The following GRIN2B variants were observed in gnomAD, a reference collection of about 807,000 sequenced individuals.
GRIN2B encodes the protein glutamate ionotropic receptor NMDA type subunit 2B, also known as glutamate receptor ionotropic, NMDA 2B.
Under a neutral mutation model 114.5 loss-of-function variants are expected in GRIN2B, and 5 were observed. The observed-to-expected ratio is 0.04, with a 90% CI of 0.02 to 0.09. The LOEUF is 0.09. GRIN2B is among the 10% of genes least tolerant of loss of function. The probability of loss-of-function intolerance (pLI) is 1.00; values close to 1 mark genes in which losing one functional copy is unlikely to be tolerated. For missense variants in GRIN2B, 1,108 were observed against 1,943.5 expected (o/e 0.57, Z 8.08); for synonymous variants, 787 against 745.1 (o/e 1.06, Z -0.92).
At chr12:13,784,222 T>C (rs1864179810) in intron 3 of GRIN2B, among the ~76,000 whole-genome samples, 1 of 26,760 alleles carries the variant, frequency 3.7e-5, no homozygotes, top group African/African-American at 2.0e-4. Context: ...AGACTTCGCC[T>C]CAAAAAAAAA....
rs564661310 is a variant in GRIN2B at position 13,952,340 on chromosome 12, C to T, written c.-19+27588G>A. On this transcript the variant is annotated intron_variant, in intron 2 of 13. Transcript: ENST00000609686. ...GTTAATGAAACTGTAACTCATCTTACCCACTCACCTTTATACAGTGTCCGC... is the reference window on the plus strand; with the variant it reads ...GTTAATGAAACTGTAACTCATCTTATCCACTCACCTTTATACAGTGTCCGC... Among the ~76,000 whole-genome samples the T allele has an allele frequency of 7.2e-5, 11 of 152,298 alleles. No homozygotes were observed. The South Asian group carries it at 2.3e-3, about 32-fold the overall frequency.
At chr12:13,757,353 A>C (rs948846925) in intron 3 of GRIN2B, among the ~76,000 whole-genome samples, 1 of 152,196 alleles carries the variant, frequency 6.6e-6, no homozygotes, top group African/African-American at 2.4e-5. Context: ...GTAAGTTGCA[A>C]ATGGTGACAG....
chr12:13,730,079 C>T (rs1443009433), intron 4 of GRIN2B, among the ~76,000 whole-genome samples: 1 of 151,110 alleles, frequency 6.6e-6, no homozygotes, highest in South Asian at 2.1e-4. Context: ...TTCCTCCTAT[C>T]GTGAAGCATC....
chr12:13,621,156 A>C (rs1949508579), intron 5 of GRIN2B, among the ~76,000 whole-genome samples: 1 of 152,192 alleles, frequency 6.6e-6, no homozygotes, highest in African/African-American at 2.4e-5. Context: ...AAGGGGGAGA[A>C]AGTATGGTGA....
chr12:13,640,518 CT>C (rs1318182349), intron 5 of GRIN2B, among the ~76,000 whole-genome samples: 1 of 152,126 alleles, frequency 6.6e-6, no homozygotes, highest in African/African-American at 2.4e-5. Flanking sequence ...TTCATTCCCC[CT>C]CTCTATTGTA....
At chr12:13,929,155 G>C (rs1591626963) in intron 2 of GRIN2B, among the ~76,000 whole-genome samples, 1 of 152,158 alleles carries the variant, frequency 6.6e-6, no homozygotes, top group African/African-American at 2.4e-5. Context: ...CTGAAGATTT[G>C]TTCAAGAATC....
rs1038648293 is a variant in GRIN2B at position 13,552,902 on chromosome 12, T to C, written c.*9881A>G. 1.1e-4 allele frequency: 17 copies of C among 152,228 alleles called. No individual in the cohort carries two copies. Among genetic ancestry groups the C allele is most frequent in the African/African-American group, 3.9e-4 (16 of 41,554 alleles). 9.4% of individuals were successfully genotyped at this position (152,228 alleles called of 1,614,324 possible). A position where few individuals can be genotyped will look rare whatever the true frequency, so the allele number is the denominator to read the frequency against. On this transcript the variant is annotated 3_prime_UTR_variant, in exon 14 of 14. Transcript: ENST00000609686. ...ATGAAGAGTGGACTTTCTTCACTTTTTTTTTAAAAAAAGAGACTTGTCACT... is the reference window on the plus strand; with the variant it reads ...ATGAAGAGTGGACTTTCTTCACTTTCTTTTTAAAAAAAGAGACTTGTCACT...
rs957966605 is a variant in GRIN2B, at chr12:13,551,979, AC to A, written c.*10803del. On this transcript the variant is annotated 3_prime_UTR_variant, in exon 14 of 14. Coordinates refer to ENST00000609686, the MANE Select transcript of GRIN2B (RefSeq NM_000834.5). ...TGTTTTGTTTCATTTCGAAAAAAAA[AC>A]AATCCCCTCTGGAAACAGGTAATAT... The A allele has an allele frequency of 2.0e-5, 3 of 152,292 alleles. No homozygotes were observed. The highest frequency in any genetic ancestry group is 1.9e-4 in the East Asian group (1 of 5,188). The allele number at this position is 152,292 out of a possible 1,614,324, so 9.4% of individuals were successfully genotyped here.
chr12:13,975,822 A>G (rs1295219656), intron 2 of GRIN2B, among the ~76,000 whole-genome samples: 3 of 152,252 alleles, frequency 2.0e-5, no homozygotes, highest in Non-Finnish European at 2.9e-5. Flanking sequence ...GCATGAGCAC[A>G]TGCTGGTGAA....
At chr12:13,923,863 T>C (rs967754018) in intron 2 of GRIN2B, among the ~76,000 whole-genome samples, 2 of 152,156 alleles carry the variant, frequency 1.3e-5, no homozygotes, top group South Asian at 2.1e-4. Context: ...GTTTCTACCA[T>C]TGAACAAACA....
intron 4 of GRIN2B, among the ~76,000 whole-genome samples, chr12:13,727,217 A>G (rs1482404200): frequency 6.6e-6 from 1 of 152,192 alleles, no homozygotes; most frequent in African/African-American, 2.4e-5. Context: ...AAACTAAGTG[A>G]CATATGCCAC....
chr12:13,720,015 T>A (rs980049497), intron 4 of GRIN2B, among the ~76,000 whole-genome samples: 5 of 151,984 alleles, frequency 3.3e-5, no homozygotes, highest in Admixed American at 2.6e-4. Flanking sequence ...CTGGGAAAGG[T>A]TGGCCCCAGG....
At chr12:13,800,766 T>A (rs1450062012) in intron 3 of GRIN2B, among the ~76,000 whole-genome samples, 1 of 152,168 alleles carries the variant, frequency 6.6e-6, no homozygotes, top group Non-Finnish European at 1.5e-5. Context: ...TGAATGTACG[T>A]CATGATTTGG....
chr12:13,864,743 A>G (rs1305665065), intron 3 of GRIN2B, among the ~76,000 whole-genome samples: 1 of 152,210 alleles, frequency 6.6e-6, no homozygotes, highest in Non-Finnish European at 1.5e-5. Flanking sequence ...TCATATGACA[A>G]TTAGCCTAAC....
At chr12:13,802,564 T>C (rs1373361485) in intron 3 of GRIN2B, among the ~76,000 whole-genome samples, 1 of 152,118 alleles carries the variant, frequency 6.6e-6, no homozygotes, top group Non-Finnish European at 1.5e-5. Flanking sequence ...AAAAATAATA[T>C]AAAATACTGA....
intron 2 of GRIN2B, among the ~76,000 whole-genome samples, chr12:13,882,051 A>G (rs184798360): frequency 2.0e-5 from 3 of 152,328 alleles, no homozygotes; most frequent in East Asian, 1.9e-4. Flanking sequence ...CTAAACTGCC[A>G]TCTGTCACCT....
At chr12:13,676,170 G>C (rs934189513) in intron 4 of GRIN2B, among the ~76,000 whole-genome samples, 9 of 152,024 alleles carry the variant, frequency 5.9e-5, no homozygotes, top group African/African-American at 1.9e-4. Context: ...AGGGGAACAA[G>C]ACACACTGGG....
chr12:13,938,423 A>G (rs974700018), intron 2 of GRIN2B, among the ~76,000 whole-genome samples: 4 of 152,194 alleles, frequency 2.6e-5, no homozygotes, highest in East Asian at 1.9e-4. Context: ...ACTTTTTGAC[A>G]TATGTTCATA....
rs774861400 is a variant in GRIN2B, at chr12:13,616,634, G to A, written c.1149C>T (p.Ser383=). Residue 383 remains serine (S), a synonymous_variant, in exon 6 of 14, where the codon TCC becomes TCT. Coordinates refer to ENST00000609686, the MANE Select transcript of GRIN2B (RefSeq NM_000834.5). ...GCCACACATAGTACTTCATCTGCAG[G>A]GACTTGTCTTTCCACTTCCCCACCT... The part of the protein sequence containing the change: ...WERVGKWKDK[S]LQMKYYVWPR... The A allele has an allele frequency of 1.2e-6, 2 of 1,613,838 alleles. No homozygotes were observed. The highest frequency in any genetic ancestry group is 1.1e-5 in the South Asian group (1 of 91,078).
Sources: gnomAD v4.1 joint callset for allele counts (sites outside exome capture counted in the v4.1 genomes callset) on GRCh38, gnomAD v4.1.1 for gene constraint, MANE v1.5 for transcripts, NCBI Gene and HGNC (gene_info 2026-07-23, HGNC 2026-07-21) for gene names.